The following LDB2 variants were observed in gnomAD, a reference collection of about 807,000 sequenced individuals.
LDB2 encodes LIM domain binding 2, also known as LIM domain-binding protein 2.
Under a neutral mutation model 44.3 loss-of-function variants are expected in LDB2, and 12 were observed. The ratio of observed to expected loss-of-function variants is 0.27; its 90% CI spans 0.17 to 0.44. LDB2 has a LOEUF of 0.44. LDB2 is among the 20% of genes least tolerant of loss of function. LDB2 has a pLI of 1.00. For missense variants in LDB2, 344 were observed against 473.5 expected (o/e 0.73, Z 2.54); for synonymous variants, 164 against 174.8 (o/e 0.94, Z 0.49).
At chr4:16,632,021 G>C (rs563361843) in intron 2 of LDB2, among the ~76,000 whole-genome samples, 26 of 152,272 alleles carry the variant, frequency 1.7e-4, no homozygotes, top group Admixed American at 5.2e-4. Flanking sequence ...AGAGGAGCTG[G>C]TACCATTCCT....
chr4:16,792,240 T>C (rs926990081), intron 1 of LDB2, among the ~76,000 whole-genome samples: 4 of 152,236 alleles, frequency 2.6e-5, no homozygotes, highest in African/African-American at 7.2e-5. Context: ...ATTCATATTT[T>C]AGTCTGGACA....
chr4:16,728,373 T>C (rs1229157148), intron 2 of LDB2, among the ~76,000 whole-genome samples: 1 of 151,648 alleles, frequency 6.6e-6, no homozygotes, highest in African/African-American at 2.4e-5. Flanking sequence ...GTGAAAGAAA[T>C]AGAAATAGAG....
intron 1 of LDB2, among the ~76,000 whole-genome samples, chr4:16,843,731 C>T (rs562587827): frequency 6.6e-6 from 1 of 152,146 alleles, no homozygotes; most frequent in Non-Finnish European, 1.5e-5. Context: ...AAGCTATTCT[C>T]CTGCCTCAGC....
At chr4:16,840,226 C>T (rs1447176825) in intron 1 of LDB2, among the ~76,000 whole-genome samples, 1 of 152,176 alleles carries the variant, frequency 6.6e-6, no homozygotes, top group African/African-American at 2.4e-5. Flanking sequence ...CTGAGCCCAG[C>T]AGTCAGCACC....
chr4:16,648,664 A>G (rs1164103416), intron 2 of LDB2, among the ~76,000 whole-genome samples: 2 of 152,228 alleles, frequency 1.3e-5, no homozygotes, highest in Non-Finnish European at 1.5e-5. Context: ...CTAAGTATAT[A>G]TACAACACAA....
chr4:16,741,367 A>G (rs1354583143), intron 2 of LDB2: 2 of 152,264 alleles, frequency 1.3e-5, no homozygotes, highest in African/African-American at 2.4e-5. Context: ...ATTACTGTCC[A>G]AGGACATCTC....
At chr4:16,599,649 G>A (rs577029488) in intron 2 of LDB2, among the ~76,000 whole-genome samples, 13 of 152,016 alleles carry the variant, frequency 8.6e-5, no homozygotes, top group Non-Finnish European at 7.4e-5. Flanking sequence ...AGAAACACAC[G>A]CATACACCAT....
At chr4:16,694,409 G>A (rs1751603242) in intron 2 of LDB2, among the ~76,000 whole-genome samples, 3 of 152,216 alleles carry the variant, frequency 2.0e-5, no homozygotes, top group Admixed American at 2.0e-4. Flanking sequence ...CACAGCTGGT[G>A]CCAGAACATA....
chr4:16,676,956 T>G (rs1221131990), intron 2 of LDB2, among the ~76,000 whole-genome samples: 1 of 152,150 alleles, frequency 6.6e-6, no homozygotes, highest in African/African-American at 2.4e-5. Flanking sequence ...GAGACCCTGC[T>G]TTTTGGTATT....
At position 16,865,237 on chromosome 4, in the gene LDB2, G is replaced by T. The variant is rs554562080; in HGVS notation, c.132+33117C>A. ...ACTGCACTCTACCCTGGGTGACAGA[G>T]CTAGGCTCTATCTCAAAAAAAGAAA... On this transcript the variant is annotated intron_variant, in intron 1 of 7. Coordinates refer to ENST00000304523, the MANE Select transcript of LDB2 (RefSeq NM_001290.5). Among the ~76,000 whole-genome samples the T allele has an allele frequency of 2.0e-5, 3 of 152,246 alleles. No individual in the cohort carries two copies. In the East Asian group the frequency reaches 5.8e-4, roughly 29 times the overall value.
intron 2 of LDB2, among the ~76,000 whole-genome samples, chr4:16,606,500 A>T (rs1560611013): frequency 6.6e-6 from 1 of 152,150 alleles, no homozygotes. Flanking sequence ...CAAGTTTTTA[A>T]TTTTTTGCCA....
At chr4:16,532,827 G>A (rs1730607260) in intron 5 of LDB2, among the ~76,000 whole-genome samples, 2 of 152,120 alleles carry the variant, frequency 1.3e-5, no homozygotes, top group Non-Finnish European at 2.9e-5. Flanking sequence ...GCCCCTTGTT[G>A]TGGGACTTCT....
chr4:16,608,198 C>A (rs1724471573), intron 2 of LDB2, among the ~76,000 whole-genome samples: 1 of 120,842 alleles, frequency 8.3e-6, no homozygotes. Flanking sequence ...CAGAAAATCA[C>A]ACTTCTTCAA....
At chr4:16,861,507 G>A (rs1414361067) in intron 1 of LDB2, among the ~76,000 whole-genome samples, 1 of 152,130 alleles carries the variant, frequency 6.6e-6, no homozygotes, top group Non-Finnish European at 1.5e-5. Context: ...CACAGCAGAA[G>A]TAACAATTCT....
rs751187871 is a variant in LDB2 at position 16,898,537 on chromosome 4, C to A, written c.-52G>T. 6.3e-7 allele frequency: 1 copy of A among 1,597,880 alleles called. No individual in the cohort carries two copies. Among genetic ancestry groups the A allele is most frequent in the African/African-American group, 1.3e-5 (1 of 74,522 alleles). On this transcript the variant is annotated 5_prime_UTR_variant, in exon 1 of 8. Coordinates refer to ENST00000304523, the MANE Select transcript of LDB2 (RefSeq NM_001290.5). ...AAACAGAGTATCAGTAACGTCCATG[C>A]AGAGCACATGGGCTGTGTTCTTCCC...
intron 1 of LDB2, among the ~76,000 whole-genome samples, chr4:16,770,089 T>C (rs1770314042): frequency 6.6e-6 from 1 of 152,208 alleles, no homozygotes. Context: ...ATGACTCAAA[T>C]GCCTCAGTGT....
chr4:16,559,140 G>C (rs1345716095), intron 5 of LDB2, among the ~76,000 whole-genome samples: 1 of 152,192 alleles, frequency 6.6e-6, no homozygotes, highest in African/African-American at 2.4e-5. Flanking sequence ...TCAAGGCTAG[G>C]AAGAAACTGC....
chr4:16,882,695 GTTTA>G (rs1397950284), intron 1 of LDB2, among the ~76,000 whole-genome samples: 1 of 151,980 alleles, frequency 6.6e-6, no homozygotes, highest in Non-Finnish European at 1.5e-5. Flanking sequence ...ATATTTTAAT[GTTTA>G]TTTGTTTCAA....
chr4:16,884,557 C>A (rs1433495161), intron 1 of LDB2, among the ~76,000 whole-genome samples: 1 of 152,136 alleles, frequency 6.6e-6, no homozygotes, highest in Non-Finnish European at 1.5e-5. Flanking sequence ...CATTTGCGTT[C>A]TTGCTACCTT....
Sources: allele counts gnomAD v4.1 joint callset (sites outside exome capture counted in the v4.1 genomes callset), GRCh38; gene constraint gnomAD v4.1.1; transcripts MANE v1.5; gene names NCBI Gene and HGNC (gene_info 2026-07-23, HGNC 2026-07-21).